CCNG2: variants seen among roughly 807,000 people sequenced by gnomAD.
The protein encoded by CCNG2 is cyclin-G2.
In CCNG2, 20 loss-of-function variants were observed where a neutral mutation model predicts 36.5. That is an observed-to-expected ratio of 0.55 (90% confidence interval 0.39 to 0.80). The LOEUF (loss-of-function observed/expected upper bound fraction) is 0.80, where lower values mean the gene tolerates loss of function less well. CCNG2 is among the 30% of genes least tolerant of loss of function. CCNG2 has a pLI of 0.00. For synonymous variants in CCNG2, 155 were observed against 140.1 expected (o/e 1.11, Z -0.75); for missense variants, 358 against 390.8 (o/e 0.92, Z 0.71).
At chr4:77,164,514 G>C (rs1731576068) in intron 7 of CCNG2, 35 bp downstream of exon 7, 1 of 1,474,830 alleles carries the variant, frequency 6.8e-7, no homozygotes, top group Admixed American at 1.7e-5. Context: ...AACTTCCCTA[G>C]ACTAAATATT....
chr4:77,163,563 AT>A (rs1353420010), intron 6 of CCNG2, among the ~76,000 whole-genome samples: 1 of 152,220 alleles, frequency 6.6e-6, no homozygotes, highest in African/African-American at 2.4e-5. Context: ...TGCTTTAGTT[AT>A]GATTTTATTA....
rs935916845 is a variant in CCNG2 at position 77,166,899 on chromosome 4, C to T, written c.*975C>T. 6.6e-6 allele frequency: 1 copy of T among 152,164 alleles called. No individual in the cohort carries two copies. Among genetic ancestry groups the T allele is most frequent in the East Asian group, 1.9e-4 (1 of 5,198 alleles). The allele number at this position is 152,164 out of a possible 1,614,324, so 9.4% of individuals were successfully genotyped here. A position where few individuals can be genotyped will look rare whatever the true frequency, so the allele number is the denominator to read the frequency against. On this transcript the variant is annotated 3_prime_UTR_variant, in exon 8 of 8. Transcript: ENST00000316355. The stretch of plus-strand genomic sequence containing the variant: ...TTTTAAGCAAATCTGTGTGGTGATA[C>T]AGCCATAAGAATGGGGCTTATATAA...
In CCNG2 at chr4:77,157,231, G is replaced by C. The variant is rs568308069; in HGVS notation, c.-276G>C. On this transcript the variant is annotated 5_prime_UTR_variant, in exon 1 of 8. Transcript: ENST00000316355. ...AACTCTTAACAAAAACAAGGGGCTC[G>C]GGGAGGTTTCCGCTGAGGCGGCGGG... 2 of 152,292 alleles carry C rather than the reference G, an allele frequency of 1.3e-5. No homozygotes were observed. The highest frequency in any genetic ancestry group is 6.5e-5 in the Admixed American group (1 of 15,290). 9.4% of individuals were successfully genotyped at this position (152,292 alleles called of 1,614,324 possible).
Position 77,158,531 on chromosome 4 carries a change from A to C in CCNG2, c.1-2A>C. The C allele has an allele frequency of 1.2e-6, 2 of 1,614,106 alleles. No individual in the cohort carries two copies. Among genetic ancestry groups the C allele is most frequent in the Non-Finnish European group, 1.7e-6 (2 of 1,179,992 alleles). On this transcript the variant is annotated splice_acceptor_variant, in intron 1 of 7. Coordinates refer to ENST00000316355, the MANE Select transcript of CCNG2 (RefSeq NM_004354.3). LOFTEE classifies it low-confidence loss of function (5UTR_SPLICE). ...ATTCTCTGTGTGGTGTCTTTACTGC[A>C]GATGAAGGATTTGGGGGCAGAGCAC...
Position 77,166,605 on chromosome 4 carries a change from A to G in CCNG2, c.*681A>G, listed in dbSNP as rs1330550149. The G allele has an allele frequency of 1.3e-5, 2 of 152,164 alleles. No homozygotes were observed. Among genetic ancestry groups the G allele is most frequent in the African/African-American group, 2.4e-5 (1 of 41,434 alleles). 9.4% of individuals were successfully genotyped at this position (152,164 alleles called of 1,614,324 possible). A position where few individuals can be genotyped will look rare whatever the true frequency, so the allele number is the denominator to read the frequency against. ...CCTATTGCCCAAGTATTGTCAAACTATGGTATTATTTTAATGTTACTTTAA... is the reference window on the plus strand; with the variant it reads ...CCTATTGCCCAAGTATTGTCAAACTGTGGTATTATTTTAATGTTACTTTAA... On this transcript the variant is annotated 3_prime_UTR_variant, in exon 8 of 8. Transcript: ENST00000316355.
intron 1 of CCNG2, among the ~76,000 whole-genome samples, chr4:77,158,121 C>T (rs1375441046): frequency 4.6e-5 from 7 of 152,096 alleles, no homozygotes; most frequent in Admixed American, 2.6e-4. Flanking sequence ...CTCTCCCTCC[C>T]CTCCCCCCTA....
chr4:77,158,206 C>T (rs1023743033), intron 1 of CCNG2: 1 of 331,984 alleles, frequency 3.0e-6, no homozygotes, highest in Non-Finnish European at 5.6e-6. Flanking sequence ...AAGGCCCTCC[C>T]TGGCGCGACT....
Position 77,161,628 on chromosome 4 carries a change from TTTTTTTC to T in CCNG2, c.607-11_607-5del, listed in dbSNP as rs1204979757. On this transcript the variant is annotated splice_polypyrimidine_tract_variant and intron_variant, in intron 5 of 7. Coordinates refer to ENST00000316355, the MANE Select transcript of CCNG2 (RefSeq NM_004354.3). ...TTGAATTTTTAAAAAATATTTTTCT[TTTTTTTC>T]TTTTTTCTTACAGCCATCTGTATTA... 12 of 1,573,216 alleles carry T rather than the reference TTTTTTTC, an allele frequency of 7.6e-6. No individual in the cohort carries two copies. Among genetic ancestry groups the T allele is most frequent in the South Asian group, 2.4e-5 (2 of 84,190 alleles).
intron 3 of CCNG2, among the ~76,000 whole-genome samples, 190 bp from the exon 4 acceptor site, chr4:77,160,531 T>G (rs1214649279): frequency 9.9e-4 from 106 of 107,376 alleles, no homozygotes; most frequent in East Asian, 3.4e-3. Context: ...CCTTTTTTTT[T>G]GGGGGGGGGG....
rs922233128 is a variant in CCNG2 at position 77,158,287 on chromosome 4, A to G, written c.1-246A>G. On this transcript the variant is annotated intron_variant, in intron 1 of 7. Coordinates refer to ENST00000316355, the MANE Select transcript of CCNG2 (RefSeq NM_004354.3). ...CCTGTTTGTGAAACGCCAAGAGGCC[A>G]GGGCTGGCCGGTCTTACCCAGCGCT... is the stretch of plus-strand genomic sequence containing the variant. 1.2e-5 allele frequency: 6 copies of G among 500,228 alleles called. No homozygotes were observed. In the South Asian group the frequency reaches 1.3e-4, roughly 11 times the overall value. The allele number at this position is 500,228 out of a possible 1,614,324, so 31.0% of individuals were successfully genotyped here.
chr4:77,168,966 C>G lies in CCNG2; in HGVS notation c.*3042C>G, dbSNP rs144906455. 3 of 152,242 alleles carry G rather than the reference C, an allele frequency of 2.0e-5. No individual in the cohort carries two copies. The highest frequency in any genetic ancestry group is 4.4e-5 in the Non-Finnish European group (3 of 68,054). The allele number at this position is 152,242 out of a possible 1,614,324, so 9.4% of individuals were successfully genotyped here. ...ATGTGGTGCACGCACTTTGCTGTTG[C>G]GCATGGTGAAGTATTGTGCCTAGGT... is the stretch of plus-strand genomic sequence containing the variant. On this transcript the variant is annotated 3_prime_UTR_variant, in exon 8 of 8. Transcript: ENST00000316355.
intron 3 of CCNG2, among the ~76,000 whole-genome samples, chr4:77,160,512 TC>T (rs1236994681): frequency 6.5e-5 from 9 of 138,204 alleles, no homozygotes; most frequent in Non-Finnish European, 1.1e-4. Flanking sequence ...GAGCCACTGT[TC>T]CCTGCTGCCT....
chr4:77,161,272 T>C (rs1225389006), intron 4 of CCNG2, among the ~76,000 whole-genome samples: 1 of 152,046 alleles, frequency 6.6e-6, no homozygotes, highest in Non-Finnish European at 1.5e-5. Flanking sequence ...CTGGCTAATT[T>C]TATATTTTTA....
At chr4:77,159,575 ATATT>A (rs1731370860) in intron 3 of CCNG2, 71 bp downstream of exon 3, 5 of 1,456,914 alleles carry the variant, frequency 3.4e-6, no homozygotes, top group African/African-American at 2.8e-5. Flanking sequence ...GGTTCAAGAA[ATATT>A]TATCGAATGG....
At chr4:77,165,544 C>T (rs1210746399) in intron 7 of CCNG2, among the ~76,000 whole-genome samples, 37 of 151,582 alleles carry the variant, frequency 2.4e-4, no homozygotes, top group South Asian at 2.1e-4. Flanking sequence ...TGGGATTAAG[C>T]GATCTGCACA....
Position 77,168,609 on chromosome 4 carries a change from C to T in CCNG2, c.*2685C>T, listed in dbSNP as rs1731688221. On this transcript the variant is annotated 3_prime_UTR_variant, in exon 8 of 8. Coordinates refer to ENST00000316355, the MANE Select transcript of CCNG2 (RefSeq NM_004354.3). The stretch of plus-strand genomic sequence containing the variant: ...CTCTGTTAGCTATACAGAAGATGAA[C>T]TGGGCAATATAGAGTAGCAGCATGG... The T allele has an allele frequency of 6.6e-6, 1 of 152,080 alleles. No homozygotes were observed. Among genetic ancestry groups the T allele is most frequent in the African/African-American group, 2.4e-5 (1 of 41,388 alleles). The allele number at this position is 152,080 out of a possible 1,614,324, so 9.4% of individuals were successfully genotyped here. A position where few individuals can be genotyped will look rare whatever the true frequency, so the allele number is the denominator to read the frequency against.
rs754545084 is a variant in CCNG2 at position 77,158,676 on chromosome 4, T to A, written c.138+6T>A. The A allele has an allele frequency of 6.2e-7, 1 of 1,613,828 alleles. No homozygotes were observed. Among genetic ancestry groups the A allele is most frequent in the Non-Finnish European group, 8.5e-7 (1 of 1,179,964 alleles). On this transcript the variant is annotated splice_donor_region_variant and intron_variant, in intron 2 of 7. Coordinates refer to ENST00000316355, the MANE Select transcript of CCNG2 (RefSeq NM_004354.3). Reference sequence around the variant, plus strand: ...TGATTGAGGCTACCCCGGAGGTAAGTTGGCAGAAAAGATAACTTGCTCAAG... The same window carrying A: ...TGATTGAGGCTACCCCGGAGGTAAGATGGCAGAAAAGATAACTTGCTCAAG...
At chr4:77,164,509 C>T (rs1293728371) in intron 7 of CCNG2, 30 bp downstream of exon 7, 4 of 1,509,222 alleles carry the variant, frequency 2.7e-6, no homozygotes, top group East Asian at 2.3e-5. Flanking sequence ...AATTAAACTT[C>T]CCTAGACTAA....
At position 77,161,762 on chromosome 4, in the gene CCNG2, T is replaced by C. The variant is rs1731445104; in HGVS notation, c.705+15T>C. 6.5e-7 allele frequency: 1 copy of C among 1,535,292 alleles called. No individual in the cohort carries two copies. Among genetic ancestry groups the C allele is most frequent in the Non-Finnish European group, 8.9e-7 (1 of 1,127,962 alleles). The stretch of plus-strand genomic sequence containing the variant: ...AACATTCCAAGGTAATTACAGTCAT[T>C]ATTCTTTAAGGCAAATTTTTTTCCT... On this transcript the variant is annotated intron_variant, in intron 6 of 7. Transcript: ENST00000316355.
Sources: allele counts gnomAD v4.1 joint callset (sites outside exome capture counted in the v4.1 genomes callset), GRCh38; gene constraint gnomAD v4.1.1; transcripts MANE v1.5; gene names NCBI Gene and HGNC (gene_info 2026-07-23, HGNC 2026-07-21).